Variants in IBTK observed in about 807,000 individuals in gnomAD.
The protein encoded by IBTK is inhibitor of Bruton tyrosine kinase, also known as BTK-binding protein.
A neutral mutation model predicts 154.9 loss-of-function variants in IBTK; 83 were observed. The ratio of observed to expected loss-of-function variants is 0.54; its 90% CI spans 0.45 to 0.64. The LOEUF is 0.64. Among genes scored for constraint, IBTK ranks in the 30% least tolerant of loss-of-function variants. The pLI, the probability that IBTK is intolerant of heterozygous loss-of-function variation, is 0.00. For synonymous variants in IBTK, 515 were observed against 536.1 expected, an observed-to-expected ratio of 0.96 and a Z score of 0.54; for missense variants, 1,332 against 1,584.6, an observed-to-expected ratio of 0.84 and a Z score of 2.71.
At chr6:82,206,679 G>A (rs1394652617) in intron 16 of IBTK, among the ~76,000 whole-genome samples, 1 of 151,986 alleles carries the variant, frequency 6.6e-6, no homozygotes, top group African/African-American at 2.4e-5. Flanking sequence ...TACAATTAAA[G>A]ATGCAAAAAT....
At chr6:82,188,355 G>C (rs892880254) in intron 25 of IBTK, among the ~76,000 whole-genome samples, 1 of 152,028 alleles carries the variant, frequency 6.6e-6, no homozygotes, top group African/African-American at 2.4e-5. Flanking sequence ...ATATTGGTAA[G>C]ATTCATCCAC....
In IBTK at chr6:82,210,908, A is replaced by G. The variant is rs1769610965; in HGVS notation, c.2415T>C (p.Ala805=). ...GCATTTCCAGAGCTGCACAACTGGAAGCCTAAATAAAATAAGACAAAATAA... is the reference window on the plus strand; with the variant it reads ...GCATTTCCAGAGCTGCACAACTGGAGGCCTAAATAAAATAAGACAAAATAA... The part of the protein sequence containing the change: ...HSMLSSSWIE[A]SSCAALEMPI... The change falls in exon 16 of 29, where the codon GCT becomes GCC. Residue 805 remains alanine (A), a splice_region_variant and synonymous_variant. Coordinates refer to ENST00000306270, the MANE Select transcript of IBTK (RefSeq NM_015525.4). 6.5e-7 allele frequency: 1 copy of G among 1,529,926 alleles called. No homozygotes were observed. Among genetic ancestry groups the G allele is most frequent in the Non-Finnish European group, 8.8e-7 (1 of 1,133,262 alleles). The allele number at this position is 1,529,926 out of a possible 1,614,324, so 94.8% of individuals were successfully genotyped here. A position where few individuals can be genotyped will look rare whatever the true frequency, so the allele number is the denominator to read the frequency against.
intron 25 of IBTK, 23 bp from the exon 26 acceptor site, chr6:82,182,051 T>C: frequency 1.3e-6 from 2 of 1,580,522 alleles, no homozygotes; most frequent in South Asian, 1.2e-5. Context: ...GCAAAGATCA[T>C]GTTAAAACAT....
Position 82,223,531 on chromosome 6 carries a change from C to T in IBTK, c.1033G>A (p.Val345Ile). 6.2e-7 allele frequency: 1 copy of T among 1,613,984 alleles called. No homozygotes were observed. The highest frequency in any genetic ancestry group is 8.5e-7 in the Non-Finnish European group (1 of 1,179,852). The change falls in exon 8 of 29, where the codon GTT becomes ATT. Residue 345 changes from valine to isoleucine, a missense_variant. By Grantham distance (29) the Val-to-Ile change is conservative. Coordinates refer to ENST00000306270, the MANE Select transcript of IBTK (RefSeq NM_015525.4). The stretch of plus-strand genomic sequence containing the variant: ...ACTGTAGCTCCATCACTTGCAGCAA[C>T]CAAAGACAGAGCAATGTCTTTATGG... ...LHHKDIALSLVAASDGATVCV... is the reference protein window; with the variant it reads ...LHHKDIALSLIAASDGATVCV...
chr6:82,192,056 C>T (rs1227484485), intron 23 of IBTK, among the ~76,000 whole-genome samples, 177 bp from the exon 24 acceptor site: 2 of 152,010 alleles, frequency 1.3e-5, no homozygotes, highest in Non-Finnish European at 2.9e-5. Flanking sequence ...TTTATATACA[C>T]ATATATAAAT....
chr6:82,194,618 C>A lies in IBTK; in HGVS notation c.3199G>T (p.Gly1067Cys). 6.3e-7 allele frequency: 1 copy of A among 1,588,020 alleles called. No individual in the cohort carries two copies. The highest frequency in any genetic ancestry group is 1.2e-5 in the South Asian group (1 of 85,030). ...IEAKVKPYVN[G>C]TSPVYSREDL... ...TCCCTAGAATACACAGGAGATGTAC[C>A]ATTAACATACGGTTTGACTTTCGCC... The change falls in exon 23 of 29, where the codon GGT (glycine) becomes TGT (cysteine). Residue 1067 changes from glycine to cysteine, a missense_variant. By Grantham distance (159) the Gly-to-Cys change is radical. This residue lies in a region of IBTK where 1,134 missense variants were observed against 1,274.7 expected (regional missense o/e 0.89). Transcript: ENST00000306270.
intron 19 of IBTK, 72 bp downstream of exon 19, chr6:82,201,350 A>G (rs1156649395): frequency 8.8e-6 from 9 of 1,017,274 alleles, no homozygotes; most frequent in African/African-American, 3.3e-5. Context: ...TATTCCATTA[A>G]TAAGTCTGAT....
At chr6:82,201,246 A>T (rs1769198419) in intron 19 of IBTK, among the ~76,000 whole-genome samples, 176 bp downstream of exon 19, 1 of 152,038 alleles carries the variant, frequency 6.6e-6, no homozygotes. Flanking sequence ...AAGTATCTTG[A>T]ATTCTGATTA....
At chr6:82,236,041 T>C (rs1770703153) in intron 2 of IBTK, among the ~76,000 whole-genome samples, 1 of 152,134 alleles carries the variant, frequency 6.6e-6, no homozygotes, top group African/African-American at 2.4e-5. Context: ...GCCCAGCTAC[T>C]TTTTGTATTT....
intron 16 of IBTK, among the ~76,000 whole-genome samples, chr6:82,206,230 TGACAGCCTAGTAGCCACAGGAGACAGAA>T (rs1769407042): frequency 6.6e-6 from 1 of 152,140 alleles, no homozygotes; most frequent in Admixed American, 6.5e-5. Context: ...GGAATCACAT[TGACAGCCTAGTAGCCACAGGAGACAGAA>T]CAGTTGTAGA....
intron 26 of IBTK, among the ~76,000 whole-genome samples, chr6:82,177,187 TTC>T (rs1562068506): frequency 6.9e-6 from 1 of 144,800 alleles, no homozygotes; most frequent in African/African-American, 2.5e-5. Context: ...GTATCGTAAT[TTC>T]TTTTTGTTTT....
In IBTK at chr6:82,234,176, A is replaced by T; in HGVS notation, c.401T>A (p.Val134Glu). The T allele has an allele frequency of 1.3e-6, 2 of 1,592,126 alleles. No homozygotes were observed. Among genetic ancestry groups the T allele is most frequent in the Non-Finnish European group, 1.7e-6 (2 of 1,161,948 alleles). ...DLVMKDRPTH[V>E]VFKNTDPTDV... is the part of the protein sequence containing the mutation. ...TTTCTTACCAGTATTCTTGAATACT[A>T]CATGAGTTGGTCTATCCTTCATTAC... Residue 134 changes from valine to glutamate, a missense_variant, in exon 3 of 29, where the codon GTA (valine) becomes GAA (glutamate). Physicochemically the swap from Val to Glu is moderately radical, Grantham distance 121. Coordinates refer to ENST00000306270, the MANE Select transcript of IBTK (RefSeq NM_015525.4).
In IBTK at chr6:82,170,003, C is replaced by A. The variant is rs911545325; in HGVS notation, c.*1422G>T. 1 of 152,198 alleles carries A rather than the reference C, an allele frequency of 6.6e-6. No individual in the cohort carries two copies. Among genetic ancestry groups the A allele is most frequent in the Non-Finnish European group, 1.5e-5 (1 of 68,038 alleles). 9.4% of individuals were successfully genotyped at this position (152,198 alleles called of 1,614,324 possible). ...TGAAATCAATTACTTCAAAAGGCTT[C>A]TTTACTGCAACATCAATAGAACATT... On this transcript the variant is annotated 3_prime_UTR_variant, in exon 29 of 29. Transcript: ENST00000306270.
chr6:82,190,467 G>A (rs1230622861), intron 25 of IBTK, among the ~76,000 whole-genome samples: 1 of 152,144 alleles, frequency 6.6e-6, no homozygotes, highest in African/African-American at 2.4e-5. Flanking sequence ...ACGGAAGCTG[G>A]AGTACAACCT....
At chr6:82,187,342 G>C (rs1768591898) in intron 25 of IBTK, among the ~76,000 whole-genome samples, 1 of 152,070 alleles carries the variant, frequency 6.6e-6, no homozygotes. Flanking sequence ...AATTTGGATA[G>C]ATAGTCCCTT....
At chr6:82,210,016 C>T (rs1299279163) in intron 16 of IBTK, among the ~76,000 whole-genome samples, 1 of 152,088 alleles carries the variant, frequency 6.6e-6, no homozygotes. Context: ...CCCCAGTATA[C>T]AGCTGGGGTT....
At position 82,196,375 on chromosome 6, in the gene IBTK, T is replaced by C; in HGVS notation, c.3097A>G (p.Ser1033Gly). 1 of 1,612,888 alleles carries C rather than the reference T, an allele frequency of 6.2e-7. No individual in the cohort carries two copies. The highest frequency in any genetic ancestry group is 8.5e-7 in the Non-Finnish European group (1 of 1,179,162). Residue 1033 changes from serine to glycine, a missense_variant, in exon 22 of 29, where the codon AGC becomes GGC. Physicochemically the swap from Ser to Gly is moderately conservative, Grantham distance 56. This residue lies in a region of IBTK where 1,134 missense variants were observed against 1,274.7 expected (regional missense o/e 0.89). Coordinates refer to ENST00000306270, the MANE Select transcript of IBTK (RefSeq NM_015525.4). ...CTAGGACTACCCACTCCTGCATAGCTTCCTTCAGAGTCTGATGTCAACAGT... is the reference window on the plus strand; with the variant it reads ...CTAGGACTACCCACTCCTGCATAGCCTCCTTCAGAGTCTGATGTCAACAGT... Reference protein sequence around the residue: ...PELLTSDSEGSYAGVGSPRDL... With the variant: ...PELLTSDSEGGYAGVGSPRDL...
chr6:82,208,579 A>G (rs1325024382), intron 16 of IBTK, among the ~76,000 whole-genome samples: 1 of 151,930 alleles, frequency 6.6e-6, no homozygotes, highest in East Asian at 1.9e-4. Flanking sequence ...CTGTCTCTAA[A>G]AAAATTTTTA....
At chr6:82,245,928 AAAC>A (rs3085407) in intron 1 of IBTK, among the ~76,000 whole-genome samples, 34,860 of 151,998 alleles carry the variant, frequency 0.23, 3,990 homozygotes, top group Admixed American at 0.25. Flanking sequence ...AAACAAAATT[AAAC>A]AACGGAAAAA....
Sources: allele counts gnomAD v4.1 joint callset (sites outside exome capture counted in the v4.1 genomes callset), GRCh38; gene constraint gnomAD v4.1.1; regional missense constraint gnomAD v4.1.1; transcripts MANE v1.5; gene names NCBI Gene and HGNC (gene_info 2026-07-23, HGNC 2026-07-21).